DLGAP2: variants seen among roughly 807,000 people sequenced by gnomAD.
DLGAP2 encodes the protein DLG associated protein 2.
Under a neutral mutation model 100.3 loss-of-function variants are expected in DLGAP2, and 26 were observed. The ratio of observed to expected loss-of-function variants is 0.26; its 90% CI spans 0.19 to 0.36. The LOEUF (loss-of-function observed/expected upper bound fraction) is 0.36. Among genes scored for constraint, DLGAP2 ranks in the 10% least tolerant of loss-of-function variants. The probability of loss-of-function intolerance (pLI) is 1.00; values close to 1 mark genes in which losing one functional copy is unlikely to be tolerated. For synonymous variants in DLGAP2, 886 were observed against 630.1 expected (o/e 1.41, Z -6.08); for missense variants, 1,858 against 1,453.2 (o/e 1.28, Z -4.53).
At position 1,704,648 on chromosome 8, in the gene DLGAP2, T is replaced by C. The variant is rs575833926; in HGVS notation, c.*3242T>C. ...GTTTATGATACCAAAAAAATTACAG[T>C]TTTGTTTAAAAGGAAATGTTGATGT... On this transcript the variant is annotated 3_prime_UTR_variant, in exon 15 of 15. Transcript: ENST00000637795. The C allele has an allele frequency of 6.6e-6, 1 of 152,214 alleles. No homozygotes were observed. The highest frequency in any genetic ancestry group is 2.1e-4 in the South Asian group (1 of 4,824). 9.4% of individuals were successfully genotyped at this position (152,214 alleles called of 1,614,324 possible). A position where few individuals can be genotyped will look rare whatever the true frequency, so the allele number is the denominator to read the frequency against.
In DLGAP2 at chr8:1,339,627, A is replaced by G. The variant is rs979865621; in HGVS notation, c.106+80744A>G. Among the ~76,000 whole-genome samples the G allele has an allele frequency of 2.0e-4, 30 of 152,208 alleles. 1 individual carries two copies. The highest frequency in any genetic ancestry group is 1.5e-5 in the Non-Finnish European group (1 of 68,038). On this transcript the variant is annotated intron_variant, in intron 3 of 14. Coordinates refer to ENST00000637795, the MANE Select transcript of DLGAP2 (RefSeq NM_001346810.2). ...GTAGAATCTGTAACAGGAGCTTCAC[A>G]TGGGTTATCTCATGTAATCCTGTGC...
intron 1 of DLGAP2, among the ~76,000 whole-genome samples, chr8:770,272 T>C (rs573149869): frequency 6.6e-6 from 1 of 152,234 alleles, no homozygotes; most frequent in African/African-American, 2.4e-5. Context: ...GTGGCGTGCG[T>C]GGCTCAGAGG....
chr8:1,565,957 CA>C, intron 6 of DLGAP2, 63 bp downstream of exon 6: 1 of 1,419,186 alleles, frequency 7.0e-7, no homozygotes, highest in Non-Finnish European at 9.5e-7. Flanking sequence ...GCTCCCTCTC[CA>C]AAACCACTTC....
intron 3 of DLGAP2, among the ~76,000 whole-genome samples, chr8:1,271,522 G>A (rs144670068): frequency 0.019 from 2,856 of 152,248 alleles, 38 homozygotes; most frequent in South Asian, 0.059. Flanking sequence ...ACACAGGCAC[G>A]AACGAGATAG....
Position 766,193 on chromosome 8 carries a change from C to G in DLGAP2, c.18+28368C>G, listed in dbSNP as rs190177118. The stretch of plus-strand genomic sequence containing the variant: ...AAAAAACAAAAAACAAGAAACAAAA[C>G]CAATCCACACAACTCACATACATGC... On this transcript the variant is annotated intron_variant, in intron 1 of 14. Coordinates refer to ENST00000637795, the MANE Select transcript of DLGAP2 (RefSeq NM_001346810.2). 5.3e-5 allele frequency among the ~76,000 whole-genome samples: 8 copies of G among 152,250 alleles called. No individual in the cohort carries two copies. The East Asian group carries it at 1.5e-3, about 29-fold the overall frequency.
chr8:893,498 C>T (rs1798078386), intron 1 of DLGAP2, among the ~76,000 whole-genome samples: 1 of 152,200 alleles, frequency 6.6e-6, no homozygotes, highest in Non-Finnish European at 1.5e-5. Flanking sequence ...AGCAGATAGG[C>T]AGGAAACCTG....
intron 3 of DLGAP2, among the ~76,000 whole-genome samples, chr8:1,411,517 G>A (rs1419473401): frequency 6.6e-6 from 1 of 152,172 alleles, no homozygotes. Flanking sequence ...ACATTGGCAG[G>A]AAGACGGAGT....
chr8:1,455,852 C>T (rs887768186), intron 3 of DLGAP2, among the ~76,000 whole-genome samples: 3 of 152,188 alleles, frequency 2.0e-5, no homozygotes, highest in Admixed American at 6.5e-5. Context: ...CCACAGACTC[C>T]AGGACGGCAG....
At chr8:1,001,107 C>T (rs575947218) in intron 2 of DLGAP2, among the ~76,000 whole-genome samples, 1 of 152,342 alleles carries the variant, frequency 6.6e-6, no homozygotes, top group Non-Finnish European at 1.5e-5. Context: ...TCTCCACTCT[C>T]TTCTTTTGAT....
intron 3 of DLGAP2, among the ~76,000 whole-genome samples, chr8:1,317,395 G>A (rs541110561): frequency 2.1e-5 from 3 of 140,258 alleles, no homozygotes; most frequent in Admixed American, 7.2e-5. Flanking sequence ...GCCTGTGCGA[G>A]TGCAGCGTCT....
intron 1 of DLGAP2, chr8:822,105 C>A (rs1182491622): frequency 2.5e-6 from 1 of 399,216 alleles, no homozygotes; most frequent in African/African-American, 2.1e-5. Context: ...TTCTCGCCAT[C>A]CGAGGCTTGG....
intron 2 of DLGAP2, chr8:1,002,583 G>A (rs1473581407): frequency 6.6e-6 from 1 of 152,238 alleles, no homozygotes; most frequent in Non-Finnish European, 1.5e-5. Context: ...TGTCAAGGCT[G>A]TGGTCAGCAG....
chr8:791,301 A>C (rs376775951), intron 1 of DLGAP2, among the ~76,000 whole-genome samples: 1 of 152,228 alleles, frequency 6.6e-6, no homozygotes, highest in East Asian at 1.9e-4. Context: ...TGTCACTGCC[A>C]GTGGCTCCCT....
intron 2 of DLGAP2, among the ~76,000 whole-genome samples, chr8:1,191,302 C>A (rs779039310): frequency 6.6e-6 from 1 of 151,606 alleles, no homozygotes; most frequent in East Asian, 1.9e-4. Context: ...TCCCGAGTAG[C>A]TGGGACTACA....
chr8:1,101,399 C>A (rs765783376), intron 2 of DLGAP2, among the ~76,000 whole-genome samples: 1 of 152,126 alleles, frequency 6.6e-6, no homozygotes, highest in African/African-American at 2.4e-5. Flanking sequence ...AGTGGATGAA[C>A]CTTGAGGACA....
chr8:780,710 AT>A (rs961019010), intron 1 of DLGAP2, among the ~76,000 whole-genome samples: 1 of 152,192 alleles, frequency 6.6e-6, no homozygotes, highest in Non-Finnish European at 1.5e-5. Flanking sequence ...TCTTGTGGCA[AT>A]TTGGAAACTC....
intron 2 of DLGAP2, among the ~76,000 whole-genome samples, chr8:1,117,564 A>T (rs998651401): frequency 2.6e-5 from 4 of 152,218 alleles, no homozygotes; most frequent in African/African-American, 7.2e-5. Flanking sequence ...AGAGAGAAGA[A>T]ACAGGCTCAT....
intron 1 of DLGAP2, among the ~76,000 whole-genome samples, chr8:883,534 G>T (rs983813150): frequency 4.6e-5 from 7 of 151,832 alleles, no homozygotes; most frequent in Non-Finnish European, 8.8e-5. Flanking sequence ...AAAAACCCAG[G>T]ATACATGTAC....
At chr8:1,140,881 A>C (rs1362451849) in intron 2 of DLGAP2, among the ~76,000 whole-genome samples, 1 of 152,192 alleles carries the variant, frequency 6.6e-6, no homozygotes, top group Non-Finnish European at 1.5e-5. Flanking sequence ...CCAAGGCAGG[A>C]GAATCGGCAG....
Sources: gnomAD v4.1 joint callset for allele counts (sites outside exome capture counted in the v4.1 genomes callset) on GRCh38, gnomAD v4.1.1 for gene constraint, MANE v1.5 for transcripts, NCBI Gene and HGNC (gene_info 2026-07-23, HGNC 2026-07-21) for gene names.